The following ZNF585B variants were observed in gnomAD, a reference collection of about 807,000 sequenced individuals.
ZNF585B encodes zinc finger protein 585B, also known as zinc finger protein 41-like protein.
Under a neutral mutation model 14.0 loss-of-function variants are expected in ZNF585B, and 7 were observed. The ratio of observed to expected loss-of-function variants is 0.50; its 90% CI spans 0.28 to 0.94. The LOEUF is 0.94. ZNF585B is among the 40% of genes least tolerant of loss of function. The pLI is 0.09. For missense variants in ZNF585B, 750 were observed against 924.4 expected, an observed-to-expected ratio of 0.81 and a Z score of 2.45; for synonymous variants, 290 against 317.3, an observed-to-expected ratio of 0.91 and a Z score of 0.91.
At position 37,186,392 on chromosome 19, in the gene ZNF585B, T is replaced by C. The variant is rs759294716; in HGVS notation, c.1145A>G (p.Tyr382Cys). 21 of 1,614,102 alleles carry C rather than the reference T, an allele frequency of 1.3e-5. No homozygotes were observed. In the Admixed American group the frequency reaches 3.2e-4, roughly 24 times the overall value. ...HQRIHTGEKP[Y>C]ECSDCGRAFT... ...GGCTCTCCCACAGTCACTGCATTCA[T>C]AAGGTTTCTCTCCAGTGTGAATTCT... The change falls in exon 5 of 5, where the codon TAT (tyrosine) becomes TGT (cysteine). Residue 382 changes from tyrosine (Y) to cysteine (C), a missense_variant. Physicochemically the swap from Tyr to Cys is radical, Grantham distance 194. Coordinates refer to ENST00000532828, the MANE Select transcript of ZNF585B (RefSeq NM_152279.4).
intron 2 of ZNF585B, among the ~76,000 whole-genome samples, chr19:37,203,497 A>G (rs1319346026): frequency 1.3e-5 from 2 of 151,832 alleles, no homozygotes; most frequent in African/African-American, 2.4e-5. Context: ...AAAAAAAAAA[A>G]AAGTAGTACT....
chr19:37,184,478 A>AAG lies in ZNF585B; in HGVS notation c.*747_*748dup, dbSNP rs1254567662. 1 of 120,628 alleles carries AAG rather than the reference A, an allele frequency of 8.3e-6. No individual in the cohort carries two copies. The highest frequency in any genetic ancestry group is 3.4e-5 in the African/African-American group (1 of 29,214). The allele number at this position is 120,628 out of a possible 1,614,324, so 7.5% of individuals were successfully genotyped here. A position where few individuals can be genotyped will look rare whatever the true frequency, so the allele number is the denominator to read the frequency against. On this transcript the variant is annotated 3_prime_UTR_variant, in exon 5 of 5. Transcript: ENST00000532828. The stretch of plus-strand genomic sequence containing the variant: ...AAAGAAAGAAAGAAAGAAAGAAAGA[A>AAG]AGAAAGAAAGAAAGAAAGAAAGAAA...
intron 2 of ZNF585B, among the ~76,000 whole-genome samples, chr19:37,194,481 C>T (rs768409264): frequency 2.6e-4 from 40 of 152,192 alleles, no homozygotes; most frequent in South Asian, 1.2e-3. Context: ...GGCATGGTGG[C>T]GCATGCCTGT....
At chr19:37,196,925 C>A (rs1454217920) in intron 2 of ZNF585B, among the ~76,000 whole-genome samples, 3 of 152,134 alleles carry the variant, frequency 2.0e-5, no homozygotes, top group African/African-American at 7.2e-5. Context: ...AGGTTAGCGC[C>A]CCAAGCCTGC....
intron 1 of ZNF585B, among the ~76,000 whole-genome samples, chr19:37,209,418 T>C (rs1297405326): frequency 6.6e-6 from 1 of 152,026 alleles, no homozygotes; most frequent in Non-Finnish European, 1.5e-5. Context: ...TATCTAGCAA[T>C]ACACTCAACT....
intron 2 of ZNF585B, among the ~76,000 whole-genome samples, chr19:37,191,129 T>G (rs1199155231): frequency 1.3e-5 from 2 of 152,180 alleles, no homozygotes; most frequent in Non-Finnish European, 2.9e-5. Flanking sequence ...GGGTGTAACA[T>G]TTGTTAACCT....
At chr19:37,206,398 C>T (rs1214887664) in intron 2 of ZNF585B, among the ~76,000 whole-genome samples, 2 of 151,470 alleles carry the variant, frequency 1.3e-5, no homozygotes, top group Admixed American at 1.3e-4. Flanking sequence ...TTGCAGTGAG[C>T]CGAGATCATG....
chr19:37,183,409 A>G lies in ZNF585B; in HGVS notation c.*1818T>C, dbSNP rs1013994618. On this transcript the variant is annotated 3_prime_UTR_variant, in exon 5 of 5. Transcript: ENST00000532828. The stretch of plus-strand genomic sequence containing the variant: ...GGTGCATTTATGGAATGCCTGCTGT[A>G]TGGCAGTCATGGGTCTAGACTCATA... 1 of 152,180 alleles carries G rather than the reference A, an allele frequency of 6.6e-6. No individual in the cohort carries two copies. Among genetic ancestry groups the G allele is most frequent in the Non-Finnish European group, 1.5e-5 (1 of 68,028 alleles). The allele number at this position is 152,180 out of a possible 1,614,324, so 9.4% of individuals were successfully genotyped here.
chr19:37,190,258 T>A, intron 2 of ZNF585B, 108 bp from the exon 3 acceptor site: 1 of 1,502,994 alleles, frequency 6.7e-7, no homozygotes, highest in Non-Finnish European at 8.9e-7. Context: ...TTACTTCATT[T>A]TTTTTTTGAG....
chr19:37,191,493 C>G (rs1972399688), intron 2 of ZNF585B, among the ~76,000 whole-genome samples: 1 of 151,956 alleles, frequency 6.6e-6, no homozygotes, highest in Non-Finnish European at 1.5e-5. Context: ...TGGCACGTGC[C>G]TGTAGTCCCA....
intron 4 of ZNF585B, among the ~76,000 whole-genome samples, chr19:37,189,170 T>A (rs1972372539): frequency 6.6e-6 from 1 of 152,090 alleles, no homozygotes; most frequent in Non-Finnish European, 1.5e-5. Flanking sequence ...ACTCCTGACC[T>A]CAAGAGATAC....
Position 37,198,189 on chromosome 19 carries a change from G to C in ZNF585B, c.73-8039C>G, listed in dbSNP as rs564107135. Among the ~76,000 whole-genome samples the C allele has an allele frequency of 2.0e-5, 3 of 152,060 alleles. No homozygotes were observed. In the East Asian group the frequency reaches 5.8e-4, roughly 30 times the overall value. ...ATTTATTTTATTATTATTATTTTTT[G>C]AGATGGACTTTTGCTCTTGTTGCCT... On this transcript the variant is annotated intron_variant, in intron 2 of 4. Coordinates refer to ENST00000532828, the MANE Select transcript of ZNF585B (RefSeq NM_152279.4).
At chr19:37,199,245 A>T (rs912660235) in intron 2 of ZNF585B, among the ~76,000 whole-genome samples, 7 of 152,152 alleles carry the variant, frequency 4.6e-5, no homozygotes, top group Admixed American at 4.6e-4. Context: ...CAGTTTGTCC[A>T]GGCTGGGTGC....
intron 2 of ZNF585B, among the ~76,000 whole-genome samples, chr19:37,190,989 A>G (rs1398085594): frequency 1.3e-5 from 2 of 152,218 alleles, no homozygotes; most frequent in Admixed American, 1.3e-4. Flanking sequence ...ACTTAGATCT[A>G]CCATTAACAC....
intron 2 of ZNF585B, among the ~76,000 whole-genome samples, chr19:37,194,997 C>T (rs547077325): frequency 1.6e-4 from 24 of 151,942 alleles, no homozygotes; most frequent in African/African-American, 5.8e-4. Context: ...AAATTAATAA[C>T]CCACAGTTAA....
Position 37,203,660 on chromosome 19 carries a change from C to G in ZNF585B, c.72+3380G>C, listed in dbSNP as rs573389643. 2.6e-5 allele frequency among the ~76,000 whole-genome samples: 4 copies of G among 152,328 alleles called. No individual in the cohort carries two copies. The South Asian group carries it at 6.2e-4, about 24-fold the overall frequency. ...TTTTGGTTTTTGAGATGGAGTTTCA[C>G]TCTTGTTGTCCAGGCTAGAACGCAA... On this transcript the variant is annotated intron_variant, in intron 2 of 4. Coordinates refer to ENST00000532828, the MANE Select transcript of ZNF585B (RefSeq NM_152279.4).
chr19:37,199,909 G>A lies in ZNF585B; in HGVS notation c.72+7131C>T, dbSNP rs146486368. Among the ~76,000 whole-genome samples the A allele has an allele frequency of 2.7e-4, 41 of 151,926 alleles. No individual in the cohort carries two copies. In the East Asian group the frequency reaches 5.1e-3, roughly 19 times the overall value. ...AAATACAAAATTAGCTGGGCATGGT[G>A]GCACATGCCTGTAATCCCAGCTACT... is the stretch of plus-strand genomic sequence containing the variant. On this transcript the variant is annotated intron_variant, in intron 2 of 4. Coordinates refer to ENST00000532828, the MANE Select transcript of ZNF585B (RefSeq NM_152279.4).
intron 1 of ZNF585B, among the ~76,000 whole-genome samples, chr19:37,209,850 G>A (rs963628808): frequency 4.6e-5 from 7 of 151,512 alleles, no homozygotes; most frequent in African/African-American, 1.7e-4. Context: ...AGAGTAGCTG[G>A]GACTACAGGC....
Position 37,186,103 on chromosome 19 carries a change from C to T in ZNF585B, c.1434G>A (p.Arg478=). The T allele has an allele frequency of 5.6e-6, 9 of 1,614,036 alleles. No individual in the cohort carries two copies. The highest frequency in any genetic ancestry group is 7.6e-6 in the Non-Finnish European group (9 of 1,180,008). ...TTTTCTGATGTGTAATGAGATTTGACCGGTTGGTGAATGCCTTCCCACATT... is the reference window on the plus strand; with the variant it reads ...TTTTCTGATGTGTAATGAGATTTGATCGGTTGGTGAATGCCTTCCCACATT... ...CNKCGKAFTN[R]SNLITHQKTH... The change falls in exon 5 of 5, where the codon CGG becomes CGA. Residue 478 remains arginine (R), a synonymous_variant. Coordinates refer to ENST00000532828, the MANE Select transcript of ZNF585B (RefSeq NM_152279.4).
Sources: allele counts gnomAD v4.1 joint callset (sites outside exome capture counted in the v4.1 genomes callset), GRCh38; gene constraint gnomAD v4.1.1; transcripts MANE v1.5; gene names NCBI Gene and HGNC (gene_info 2026-07-23, HGNC 2026-07-21).